Variants in ZNF112 observed in about 807,000 individuals in gnomAD.
ZNF112 encodes zinc finger protein 112.
In ZNF112, 37 loss-of-function variants were observed where a neutral mutation model predicts 77.7. That is an observed-to-expected ratio of 0.48 (90% CI 0.37 to 0.63). The LOEUF (loss-of-function observed/expected upper bound fraction) is 0.63, where lower values mean the gene tolerates loss of function less well. Ranked by LOEUF, ZNF112 falls within the 20% of genes least tolerant of loss-of-function variation. ZNF112 has a pLI of 0.00. For missense variants in ZNF112, 950 were observed against 1,077.4 expected, an observed-to-expected ratio of 0.88 and a Z score of 1.66; for synonymous variants, 333 against 363.6, an observed-to-expected ratio of 0.92 and a Z score of 0.96.
At chr19:44,365,713 T>G (rs1970897838) in intron 1 of ZNF112, among the ~76,000 whole-genome samples, 1 of 152,170 alleles carries the variant, frequency 6.6e-6, no homozygotes, top group Non-Finnish European at 1.5e-5. Flanking sequence ...CCCTCCTGAT[T>G]TTTGTTTTCT....
In ZNF112 at chr19:44,327,654, C is replaced by T. The variant is rs1970152486; in HGVS notation, c.2503G>A (p.Gly835Ser). 1 of 1,614,052 alleles carries T rather than the reference C, an allele frequency of 6.2e-7. No individual in the cohort carries two copies. The highest frequency in any genetic ancestry group is 1.3e-5 in the African/African-American group (1 of 75,028). ...TGAAGATTTGATCTCTGACTGAAGC[C>T]CTTTCCACATACCTCACATTTGTAT... ...KPYKCEVCGK[G>S]FSQRSNLQAH... Residue 835 changes from glycine (G) to serine (S), a missense_variant, in exon 4 of 4, where the codon GGC (glycine) becomes AGC (serine). By Grantham distance (56) the Gly-to-Ser change is moderately conservative. Coordinates refer to ENST00000354340, the MANE Select transcript of ZNF112 (RefSeq NM_013380.4).
intron 1 of ZNF112, among the ~76,000 whole-genome samples, chr19:44,348,041 TC>T (rs1970628073): frequency 6.6e-6 from 1 of 152,194 alleles, no homozygotes; most frequent in Admixed American, 6.5e-5. Context: ...CTCCATGGCT[TC>T]CCATGAGAAA....
rs1482827022 is a variant in ZNF112, at chr19:44,329,250, T to C, written c.907A>G (p.Arg303Gly). ...TGTGAATTCTCAATATCATCTTCTC[T>C]CTCAATATTTTGATGAATATGAAGA... ...SLLHIHQNIE[R>G]EDDIENSHLK... is the part of the protein sequence containing the mutation. The change falls in exon 4 of 4, where the codon AGA becomes GGA. Residue 303 changes from arginine to glycine, a missense_variant. Coordinates refer to ENST00000354340, the MANE Select transcript of ZNF112 (RefSeq NM_013380.4). The C allele has an allele frequency of 6.2e-7, 1 of 1,613,796 alleles. No homozygotes were observed. Among genetic ancestry groups the C allele is most frequent in the East Asian group, 2.2e-5 (1 of 44,874 alleles).
Position 44,328,679 on chromosome 19 carries a change from C to G in ZNF112, c.1478G>C (p.Arg493Pro). Residue 493 changes from arginine (R) to proline (P), a missense_variant, in exon 4 of 4, where the codon CGT (arginine) becomes CCT (proline). Physicochemically the swap from Arg to Pro is moderately radical, Grantham distance 103 (BLOSUM62 -2). Coordinates refer to ENST00000354340, the MANE Select transcript of ZNF112 (RefSeq NM_013380.4). ...HPKIHIGEKP[R>P]KEHGNGFNWS... is the part of the protein sequence containing the mutation. ...GTTGAAGCCATTCCCATGCTCCTTA[C>G]GTGGTTTCTCTCCAATGTGAATTTT... is the stretch of plus-strand genomic sequence containing the variant. 3 of 1,614,116 alleles carry G rather than the reference C, an allele frequency of 1.9e-6. No homozygotes were observed. Among genetic ancestry groups the G allele is most frequent in the East Asian group, 2.2e-5 (1 of 44,884 alleles).
At chr19:44,363,648 AT>A (rs924463155) in intron 1 of ZNF112, among the ~76,000 whole-genome samples, 4 of 152,214 alleles carry the variant, frequency 2.6e-5, no homozygotes, top group Admixed American at 6.5e-5. Context: ...GTTCTATTGT[AT>A]GAATATAAGT....
chr19:44,329,967 C>T lies in ZNF112; in HGVS notation c.221-31G>A, dbSNP rs374515219. ...AGGATAAAGAGAATTCAGATGTGCACGAGTGAATGCTTTATTCAAGAGATT... is the reference window on the plus strand; with the variant it reads ...AGGATAAAGAGAATTCAGATGTGCATGAGTGAATGCTTTATTCAAGAGATT... On this transcript the variant is annotated intron_variant, in intron 3 of 3. Coordinates refer to ENST00000354340, the MANE Select transcript of ZNF112 (RefSeq NM_013380.4). 1.2e-4 allele frequency: 177 copies of T among 1,509,740 alleles called. 1 individual carries two copies. The South Asian group carries it at 1.5e-3, about 13-fold the overall frequency. The allele number at this position is 1,509,740 out of a possible 1,614,324, so 93.5% of individuals were successfully genotyped here. A position where few individuals can be genotyped will look rare whatever the true frequency, so the allele number is the denominator to read the frequency against.
chr19:44,367,173 T>C, exon 1 of ZNF112: 1 of 455,874 alleles, frequency 2.2e-6, no homozygotes, highest in Non-Finnish European at 4.4e-6. Flanking sequence ...CATTGCTGTC[T>C]CAGGCCTCAC....
At chr19:44,349,038 T>A (rs1970646376) in intron 1 of ZNF112, among the ~76,000 whole-genome samples, 1 of 152,116 alleles carries the variant, frequency 6.6e-6, no homozygotes, top group Non-Finnish European at 1.5e-5. Context: ...AAAAGATTAT[T>A]TTGTGATGTG....
At chr19:44,365,328 A>C in intron 1 of ZNF112, among the ~76,000 whole-genome samples, 1 of 151,884 alleles carries the variant, frequency 6.6e-6, no homozygotes, top group African/African-American at 2.4e-5. Flanking sequence ...TGTGGTGTGA[A>C]CCTCTAGTTC....
At chr19:44,343,422 G>T in intron 1 of ZNF112, 1 of 769,600 alleles carries the variant, frequency 1.3e-6, no homozygotes. Flanking sequence ...CCGGCGTTAA[G>T]GAGCAGGTAG....
rs753736242 is a variant in ZNF112 at position 44,329,899 on chromosome 19, T to C, written c.258A>G (p.Glu86=). The C allele has an allele frequency of 1.9e-5, 30 of 1,613,882 alleles. No homozygotes were observed. Among genetic ancestry groups the C allele is most frequent in the Non-Finnish European group, 2.5e-5 (29 of 1,179,908 alleles). ...KNQQKMESIQ[E]VTVSYFSPKE... ...TGGGGGAAAAGTAGCTTACTGTTAC[T>C]TCCTGAATACTCTCCATCTTTTGTT... The change falls in exon 4 of 4, where the codon GAA becomes GAG. Residue 86 remains glutamate, a synonymous_variant. Transcript: ENST00000354340.
At chr19:44,367,091 A>G (rs551192871) in exon 1 of ZNF112, 146 of 456,070 alleles carry the variant, frequency 3.2e-4, no homozygotes, top group Admixed American at 1.4e-3. Flanking sequence ...CTGGGGCCCA[A>G]CCCCATCTTC....
intron 3 of ZNF112, 34 bp downstream of exon 3, chr19:44,336,589 C>T: frequency 6.4e-7 from 1 of 1,570,290 alleles, no homozygotes; most frequent in South Asian, 1.1e-5. Flanking sequence ...GAAGGGGCTC[C>T]CTGGCTGCTG....
chr19:44,345,110 A>G (rs1248828065), intron 1 of ZNF112, among the ~76,000 whole-genome samples: 1 of 152,220 alleles, frequency 6.6e-6, no homozygotes, highest in Non-Finnish European at 1.5e-5. Context: ...AGCTTTAAAA[A>G]AAACCAATGC....
intron 1 of ZNF112, chr19:44,341,110 C>G: frequency 2.2e-6 from 1 of 456,026 alleles, no homozygotes; most frequent in South Asian, 1.6e-5. Flanking sequence ...GAAACTTATA[C>G]CATACAGTCC....
chr19:44,342,936 T>G (rs190342903), intron 1 of ZNF112, among the ~76,000 whole-genome samples: 277 of 152,268 alleles, frequency 1.8e-3, no homozygotes, highest in Non-Finnish European at 3.3e-3. Context: ...AAAATTGTTA[T>G]GTATTAATGC....
At chr19:44,358,863 C>A (rs1170632736), upstream of ZNF112, among the ~76,000 whole-genome samples, 3 of 152,210 alleles carry the variant, frequency 2.0e-5, no homozygotes, top group Admixed American at 2.0e-4. Context: ...TCTTTCCCGA[C>A]CTCCACACCC....
In ZNF112 at chr19:44,327,571, C is replaced by G; in HGVS notation, c.2586G>C (p.Lys862Asn). Residue 862 changes from lysine (K) to asparagine (N), a missense_variant, in exon 4 of 4, where the codon AAG (lysine) becomes AAC (asparagine). By Grantham distance (94) the Lys-to-Asn change is moderately conservative (BLOSUM62 0). This residue lies in a region of ZNF112 where 373 missense variants were observed against 482.8 expected (regional missense o/e 0.77). Coordinates refer to ENST00000354340, the MANE Select transcript of ZNF112 (RefSeq NM_013380.4). ...EKPYKCDACG[K>N]GFRWSSGLLI... ...GAAGACCTGAGCTCCAACGGAAACCCTTACCACATGCATCACATTTGTATG... is the reference window on the plus strand; with the variant it reads ...GAAGACCTGAGCTCCAACGGAAACCGTTACCACATGCATCACATTTGTATG... 2 of 1,614,076 alleles carry G rather than the reference C, an allele frequency of 1.2e-6. No individual in the cohort carries two copies. Among genetic ancestry groups the G allele is most frequent in the African/African-American group, 1.3e-5 (1 of 75,028 alleles).
intron 3 of ZNF112, among the ~76,000 whole-genome samples, chr19:44,332,838 C>T (rs1406335689): frequency 2.0e-5 from 3 of 152,180 alleles, no homozygotes; most frequent in Non-Finnish European, 4.4e-5. Flanking sequence ...AAGGTCATTT[C>T]ACTTTGTTTC....
Sources: gnomAD v4.1 joint callset for allele counts (sites outside exome capture counted in the v4.1 genomes callset) on GRCh38, gnomAD v4.1.1 for gene constraint, gnomAD v4.1.1 regional missense constraint, MANE v1.5 for transcripts, NCBI Gene and HGNC (gene_info 2026-07-23, HGNC 2026-07-21) for gene names.